Variants in SFXN5 observed in about 807,000 individuals in gnomAD.
SFXN5 encodes sideroflexin 5.
In SFXN5, 43 loss-of-function variants were observed where a neutral mutation model predicts 50.2. The ratio of observed to expected loss-of-function variants is 0.86; its 90% CI spans 0.67 to 1.11. The LOEUF (loss-of-function observed/expected upper bound fraction) is 1.11. SFXN5 is among the 50% of genes least tolerant of loss of function. The pLI, the probability that SFXN5 is intolerant of heterozygous loss-of-function variation, is 0.00. For synonymous variants in SFXN5, 203 were observed against 185.8 expected (o/e 1.09, Z -0.75); for missense variants, 463 against 454.1 (o/e 1.02, Z -0.18).
intron 3 of SFXN5, among the ~76,000 whole-genome samples, chr2:73,031,823 T>C (rs959243466): frequency 6.6e-6 from 1 of 152,186 alleles, no homozygotes. Context: ...CTAACTTACA[T>C]AGCCTGCCTG....
chr2:73,050,420 A>ACACACACACACACC (rs1553523879), intron 2 of SFXN5, among the ~76,000 whole-genome samples: 6 of 140,676 alleles, frequency 4.3e-5, no homozygotes, highest in African/African-American at 1.5e-4. Context: ...ACACACACAC[A>ACACACACACACACC]CCCCTGCAGA....
intron 2 of SFXN5, among the ~76,000 whole-genome samples, chr2:73,056,195 T>C (rs1682096104): frequency 6.6e-6 from 1 of 152,146 alleles, no homozygotes; most frequent in Non-Finnish European, 1.5e-5. Flanking sequence ...CATATATTCC[T>C]ACATACATTT....
chr2:73,037,476 T>C (rs578005079), intron 3 of SFXN5, among the ~76,000 whole-genome samples: 1 of 152,026 alleles, frequency 6.6e-6, no homozygotes, highest in Non-Finnish European at 1.5e-5. Context: ...TGAGAAAAAG[T>C]GATGAAAGCA....
Position 73,022,559 on chromosome 2 carries a change from G to T in SFXN5, c.294C>A (p.Asp98Glu). Residue 98 changes from aspartate to glutamate, a missense_variant, in exon 5 of 14, where the codon GAC (aspartate) becomes GAA (glutamate). Asp to Glu is a conservative substitution (Grantham distance 45, BLOSUM62 2). Transcript: ENST00000272433. ...ATGGCATGAAGATCTTCTCATTGGT[G>T]TCCGGATGTAGAATAGCCTGGCAAA... ...QKIKQAILHP[D>E]TNEKIFMPFR... 6.2e-7 allele frequency: 1 copy of T among 1,605,308 alleles called. No homozygotes were observed. The highest frequency in any genetic ancestry group is 8.5e-7 in the Non-Finnish European group (1 of 1,175,838).
chr2:72,988,156 TG>T, intron 10 of SFXN5, 101 bp downstream of exon 10: 1 of 1,054,714 alleles, frequency 9.5e-7, no homozygotes, highest in African/African-American at 1.6e-5. Context: ...GGGTGCCCCC[TG>T]GGCATCAGGA....
At chr2:73,000,190 C>T (rs1304841167) in intron 8 of SFXN5, among the ~76,000 whole-genome samples, 1 of 152,228 alleles carries the variant, frequency 6.6e-6, no homozygotes, top group Non-Finnish European at 1.5e-5. Flanking sequence ...GGGCCTTCTT[C>T]ACTTCATGTA....
At chr2:72,972,880 A>G (rs1670189039) in intron 10 of SFXN5, among the ~76,000 whole-genome samples, 1 of 152,178 alleles carries the variant, frequency 6.6e-6, no homozygotes, top group Non-Finnish European at 1.5e-5. Flanking sequence ...AACGCTGATT[A>G]GCATCAACAC....
At chr2:73,042,856 G>A (rs774447481) in intron 2 of SFXN5, among the ~76,000 whole-genome samples, 1 of 151,774 alleles carries the variant, frequency 6.6e-6, no homozygotes, top group Non-Finnish European at 1.5e-5. Context: ...AGGCCAAGCA[G>A]GTGGATCACT....
chr2:72,992,974 G>A lies in SFXN5; in HGVS notation c.535-4626C>T, dbSNP rs752786723. 8.5e-5 allele frequency among the ~76,000 whole-genome samples: 13 copies of A among 152,166 alleles called. No homozygotes were observed. Among genetic ancestry groups the A allele is most frequent in the Non-Finnish European group, 1.6e-4 (11 of 68,038 alleles). ...CCTGAGGAAGGGGATGCCTGCCTGA[G>A]CCCTGAATAGGAGGCTAGGAAGGGA... On this transcript the variant is annotated intron_variant, in intron 9 of 13. Coordinates refer to ENST00000272433, the MANE Select transcript of SFXN5 (RefSeq NM_144579.3). This position sits in a 1 kb window ranked among gnomAD's most constrained non-coding sequence, Gnocchi z 4.5.
intron 12 of SFXN5, among the ~76,000 whole-genome samples, chr2:72,962,322 C>T (rs1573964672): frequency 6.6e-6 from 1 of 152,228 alleles, no homozygotes; most frequent in South Asian, 2.1e-4. Context: ...AGGTAAGGGG[C>T]CCTCCTAGGG....
At chr2:72,996,624 T>C in intron 9 of SFXN5, 1 of 145,080 alleles carries the variant, frequency 6.9e-6, no homozygotes. Context: ...TTCTCCCACC[T>C]CAGCCTCCCA....
At chr2:73,004,927 A>C (rs980336527) in intron 6 of SFXN5, among the ~76,000 whole-genome samples, 1 of 152,220 alleles carries the variant, frequency 6.6e-6, no homozygotes, top group Non-Finnish European at 1.5e-5. Context: ...TCTCAGATGT[A>C]TATCTCTGGT....
At chr2:73,031,999 G>A in intron 3 of SFXN5, among the ~76,000 whole-genome samples, 1 of 152,164 alleles carries the variant, frequency 6.6e-6, no homozygotes, top group Non-Finnish European at 1.5e-5. Context: ...TGACTCCTTG[G>A]GTCTAGGCTT....
chr2:73,052,480 C>G lies in SFXN5; in HGVS notation c.171+6048G>C, dbSNP rs572993934. On this transcript the variant is annotated intron_variant, in intron 2 of 13. Transcript: ENST00000272433. ...TACTCTGTATTTGTATCTCTCATCT[C>G]CCACAGTGAAAATGCTGGTTCTCCC... Among the ~76,000 whole-genome samples, 4 of 152,042 alleles carry G rather than the reference C, an allele frequency of 2.6e-5. No homozygotes were observed. The South Asian group carries it at 6.2e-4, about 24-fold the overall frequency.
intron 9 of SFXN5, 193 bp downstream of exon 9, chr2:72,998,756 G>C: frequency 1.6e-6 from 1 of 606,270 alleles, no homozygotes; most frequent in Non-Finnish European, 2.9e-6. Context: ...CCATTACAGG[G>C]AGCACCAGGT....
At chr2:72,946,626 A>G (rs1010119251) in intron 13 of SFXN5, among the ~76,000 whole-genome samples, 4 of 151,794 alleles carry the variant, frequency 2.6e-5, no homozygotes, top group Non-Finnish European at 5.9e-5. Flanking sequence ...CCTGAAATGG[A>G]ACTGAACCTG....
chr2:73,007,552 CA>C (rs1674867750), intron 6 of SFXN5, among the ~76,000 whole-genome samples: 1 of 152,086 alleles, frequency 6.6e-6, no homozygotes, highest in Non-Finnish European at 1.5e-5. Context: ...ACCTCATCAG[CA>C]AAAAGCTGTG....
chr2:73,004,108 C>A (rs1214813172), intron 6 of SFXN5, among the ~76,000 whole-genome samples: 1 of 152,152 alleles, frequency 6.6e-6, no homozygotes, highest in Non-Finnish European at 1.5e-5. Flanking sequence ...AGCTTCATAG[C>A]AAGCTAGAGA....
At position 73,022,993 on chromosome 2, in the gene SFXN5, G is replaced by A. The variant is rs1677092470; in HGVS notation, c.276+195C>T. ...GCTCAGAGAACCCAGGGAAAGGCCA[G>A]CCTGGCCTGAGCTCCAGACTTCAGA... On this transcript the variant is annotated intron_variant, in intron 4 of 13. Transcript: ENST00000272433. Among the ~76,000 whole-genome samples the A allele has an allele frequency of 2.0e-5, 3 of 152,332 alleles. No individual in the cohort carries two copies. The South Asian group carries it at 6.2e-4, about 32-fold the overall frequency.
Sources: gnomAD v4.1 joint callset for allele counts (sites outside exome capture counted in the v4.1 genomes callset) on GRCh38, gnomAD v4.1.1 for gene constraint, Gnocchi (gnomAD v3.1) non-coding constraint, MANE v1.5 for transcripts, NCBI Gene and HGNC (gene_info 2026-07-23, HGNC 2026-07-21) for gene names.